VPS13B: variants seen among roughly 807,000 people sequenced by gnomAD.
VPS13B encodes vacuolar protein sorting 13 homolog B, also known as intermembrane lipid transfer protein VPS13B.
VPS13B carries 285 observed loss-of-function variants against 426.4 expected under a neutral mutation model. The observed-to-expected ratio is 0.67, with a 90% CI of 0.61 to 0.74. VPS13B has a LOEUF of 0.74. Ranked by LOEUF, VPS13B falls within the 30% of genes least tolerant of loss-of-function variation. VPS13B has a pLI of 0.00. For missense variants in VPS13B, 4,537 were observed against 4,782.6 expected, an observed-to-expected ratio of 0.95 and a Z score of 1.51; for synonymous variants, 1,676 against 1,676.4, an observed-to-expected ratio of 1.00 and a Z score of 0.01.
intron 30 of VPS13B, among the ~76,000 whole-genome samples, chr8:99,543,561 C>G (rs1488530295): frequency 1.3e-5 from 2 of 151,998 alleles, no homozygotes; most frequent in African/African-American, 4.8e-5. Context: ...GCAACCTACT[C>G]ATCTGACAAA....
In VPS13B at chr8:99,568,322, G is replaced by C. The variant is rs191819638; in HGVS notation, c.4950-7336G>C. 4.8e-5 allele frequency among the ~76,000 whole-genome samples: 7 copies of C among 147,168 alleles called. No individual in the cohort carries two copies. The East Asian group carries it at 1.2e-3, about 25-fold the overall frequency. ...TTATTTTTTTTTGAGACGGAGTCTT[G>C]CTCTGTCACCCAGGCTGGAGTGCAG... On this transcript the variant is annotated intron_variant, in intron 31 of 61. Transcript: ENST00000357162.
chr8:99,428,291 T>A (rs573519582), intron 21 of VPS13B, among the ~76,000 whole-genome samples: 1 of 151,984 alleles, frequency 6.6e-6, no homozygotes, highest in Non-Finnish European at 1.5e-5. Context: ...ACAAATGGGA[T>A]CTAATTAAAC....
intron 21 of VPS13B, among the ~76,000 whole-genome samples, chr8:99,413,538 G>A (rs544075773): frequency 1.3e-5 from 2 of 151,596 alleles, no homozygotes; most frequent in African/African-American, 4.9e-5. Flanking sequence ...ATTTATTTTC[G>A]ATCTTTTCTG....
intron 21 of VPS13B, among the ~76,000 whole-genome samples, chr8:99,430,510 C>G (rs1233436867): frequency 1.3e-5 from 2 of 152,006 alleles, no homozygotes; most frequent in Non-Finnish European, 2.9e-5. Context: ...TAATACATTA[C>G]TATAAATTAC....
intron 36 of VPS13B, among the ~76,000 whole-genome samples, chr8:99,703,667 G>A (rs574211973): frequency 2.6e-5 from 4 of 152,050 alleles, no homozygotes; most frequent in African/African-American, 4.8e-5. Context: ...TATATACAAC[G>A]CAATCATTTT....
chr8:99,348,290 AAT>A (rs1811658552), intron 19 of VPS13B: 1 of 152,202 alleles, frequency 6.6e-6, no homozygotes, highest in South Asian at 2.1e-4. Context: ...CAGGGTTACT[AAT>A]AGAGTATGCC....
intron 23 of VPS13B, among the ~76,000 whole-genome samples, chr8:99,451,024 T>C (rs1818171211): frequency 6.6e-6 from 1 of 152,184 alleles, no homozygotes; most frequent in Non-Finnish European, 1.5e-5. Flanking sequence ...TTTAAAAAAT[T>C]ACTCAGGATT....
chr8:99,568,235 C>T (rs1013429619), intron 31 of VPS13B, among the ~76,000 whole-genome samples: 7 of 150,520 alleles, frequency 4.7e-5, no homozygotes, highest in Admixed American at 2.0e-4. Flanking sequence ...GGATAGTGCT[C>T]TTGTTGAAAA....
chr8:99,193,140 T>C (rs2132728944), intron 17 of VPS13B, 83 bp downstream of exon 17: 1 of 1,344,338 alleles, frequency 7.4e-7, no homozygotes, highest in Non-Finnish European at 1.0e-6. Flanking sequence ...TCCATATGTC[T>C]AGCATGGTCA....
chr8:99,030,220 T>TA (rs1842447054), intron 2 of VPS13B, among the ~76,000 whole-genome samples: 1 of 65,770 alleles, frequency 1.5e-5, no homozygotes, highest in Admixed American at 1.1e-4. Context: ...CTGTTTTTTT[T>TA]GTTTTTTTTT....
At chr8:99,521,395 G>A (rs886360769) in intron 30 of VPS13B, among the ~76,000 whole-genome samples, 46 of 152,222 alleles carry the variant, frequency 3.0e-4, no homozygotes, top group African/African-American at 1.1e-3. Context: ...TTAAGTGTAA[G>A]CTATTATTTG....
intron 3 of VPS13B, among the ~76,000 whole-genome samples, chr8:99,050,462 C>T (rs1843477617): frequency 1.3e-5 from 2 of 152,212 alleles, no homozygotes; most frequent in African/African-American, 4.8e-5. Flanking sequence ...GGTTCCAAGT[C>T]TTTGATATTG....
intron 30 of VPS13B, 54 bp from the exon 31 acceptor site, chr8:99,556,396 G>A (rs1180118612): frequency 1.9e-6 from 3 of 1,547,378 alleles, no homozygotes; most frequent in South Asian, 1.2e-5. Flanking sequence ...ACATAGAATG[G>A]TTATTTTATC....
intron 24 of VPS13B, among the ~76,000 whole-genome samples, chr8:99,475,110 A>G (rs1175509960): frequency 6.6e-6 from 1 of 152,246 alleles, no homozygotes; most frequent in Non-Finnish European, 1.5e-5. Context: ...TTCTTACTCC[A>G]TAATTCCATT....
rs1427073717 is a variant in VPS13B at position 99,875,689 on chromosome 8, C to CTGCTTG, written c.*26_*31dup. ...TGAGTCCCCTCTGAGGTGTTTATTC[C>CTGCTTG]TGCTTGTGTGATTTAGTTTTTGGGT... On this transcript the variant is annotated 3_prime_UTR_variant, in exon 62 of 62. Transcript: ENST00000357162. 1.2e-6 allele frequency: 2 copies of CTGCTTG among 1,613,264 alleles called. No homozygotes were observed. The highest frequency in any genetic ancestry group is 2.2e-5 in the South Asian group (2 of 91,062).
chr8:99,757,867 A>C (rs762569101), intron 39 of VPS13B, among the ~76,000 whole-genome samples: 3 of 152,236 alleles, frequency 2.0e-5, no homozygotes, highest in Non-Finnish European at 4.4e-5. Context: ...TAGGAAAACA[A>C]AATGTAATAA....
intron 14 of VPS13B, among the ~76,000 whole-genome samples, chr8:99,150,697 GCTTTTCATGGC>G (rs1472090270): frequency 6.6e-6 from 1 of 152,032 alleles, no homozygotes; most frequent in African/African-American, 2.4e-5. Context: ...TTCCTCTTTG[GCTTTTCATGGC>G]TTGATAGCTG....
chr8:99,153,871 C>T (rs1323604304), intron 14 of VPS13B, among the ~76,000 whole-genome samples: 1 of 151,358 alleles, frequency 6.6e-6, no homozygotes, highest in African/African-American at 2.4e-5. Flanking sequence ...GGCAGATATA[C>T]TGGAAACAAA....
chr8:99,055,802 T>A (rs1246893328), intron 3 of VPS13B, among the ~76,000 whole-genome samples: 2 of 152,060 alleles, frequency 1.3e-5, no homozygotes, highest in Non-Finnish European at 2.9e-5. Context: ...TGATCATGGC[T>A]CACTGCAGCC....
Sources: gnomAD v4.1 joint callset for allele counts (sites outside exome capture counted in the v4.1 genomes callset) on GRCh38, gnomAD v4.1.1 for gene constraint, MANE v1.5 for transcripts, NCBI Gene and HGNC (gene_info 2026-07-23, HGNC 2026-07-21) for gene names.